The following DENND1B variants were observed in gnomAD, a reference collection of about 807,000 sequenced individuals.
The protein encoded by DENND1B is DENN domain containing 1B.
DENND1B carries 59 observed loss-of-function variants against 90.1 expected under a neutral mutation model. That is an observed-to-expected ratio of 0.65 (90% CI 0.53 to 0.81). DENND1B has a LOEUF of 0.81. Among genes scored for constraint, DENND1B ranks in the 40% least tolerant of loss-of-function variants. The pLI, the probability that DENND1B is intolerant of heterozygous loss-of-function variation, is 0.00. For missense variants in DENND1B, 862 were observed against 912.6 expected, an observed-to-expected ratio of 0.94 and a Z score of 0.71; for synonymous variants, 337 against 324.6, an observed-to-expected ratio of 1.04 and a Z score of -0.41.
intron 13 of DENND1B, among the ~76,000 whole-genome samples, chr1:197,605,323 C>T (rs985512281): frequency 1.3e-5 from 2 of 150,778 alleles, no homozygotes; most frequent in Admixed American, 6.6e-5. Context: ...AATCATCAAA[C>T]TAATTCTACT....
At chr1:197,539,395 T>C (rs1670158397) in intron 20 of DENND1B, among the ~76,000 whole-genome samples, 1 of 152,136 alleles carries the variant, frequency 6.6e-6, no homozygotes, top group East Asian at 1.9e-4. Context: ...TTTTGTTTAG[T>C]TAGAGCCTTC....
intron 2 of DENND1B, chr1:197,747,148 C>CT (rs558461388): frequency 3.9e-6 from 3 of 763,582 alleles, no homozygotes; most frequent in Non-Finnish European, 7.0e-6. Flanking sequence ...GGAGCGTTTT[C>CT]TTTTTTTCCC....
intron 11 of DENND1B, among the ~76,000 whole-genome samples, chr1:197,616,995 T>G (rs1677710782): frequency 6.6e-6 from 1 of 151,044 alleles, no homozygotes. Context: ...ATATGCAGAC[T>G]CTTCCAGGTG....
chr1:197,772,918 C>A lies in DENND1B; in HGVS notation c.32G>T (p.Arg11Ile). 1 of 1,551,894 alleles carries A rather than the reference C, an allele frequency of 6.4e-7. No homozygotes were observed. The highest frequency in any genetic ancestry group is 8.7e-7 in the Non-Finnish European group (1 of 1,146,954). The change falls in exon 2 of 23, where the codon AGA becomes ATA. Residue 11 changes from arginine (R) to isoleucine (I), a missense_variant. Arg to Ile is a moderately conservative substitution (Grantham distance 97, BLOSUM62 -3). Coordinates refer to ENST00000620048, the MANE Select transcript of DENND1B (RefSeq NM_001195215.2). MDCRTKANPD[R>I]TFDLVLKVKC... ...CACTTTCAACACCAAGTCAAAGGTT[C>A]TGTCTGGATTTGCCCTAAAAGGAAA...
intron 3 of DENND1B, among the ~76,000 whole-genome samples, chr1:197,685,450 G>A (rs182473290): frequency 3.2e-4 from 48 of 152,044 alleles, no homozygotes; most frequent in Non-Finnish European, 7.4e-5. Context: ...CTTAAAGCAG[G>A]AACTAAGTAC....
In DENND1B at chr1:197,507,562, G is replaced by A. The variant is rs1376921549; in HGVS notation, c.*2898C>T. On this transcript the variant is annotated 3_prime_UTR_variant, in exon 23 of 23. Coordinates refer to ENST00000620048, the MANE Select transcript of DENND1B (RefSeq NM_001195215.2). ...GAGAGTGGGATTCAGAAAGAACCATGACTCCATTGCAGGCCAGATAAAGAC... is the reference window on the plus strand; with the variant it reads ...GAGAGTGGGATTCAGAAAGAACCATAACTCCATTGCAGGCCAGATAAAGAC... The A allele has an allele frequency of 2.6e-5, 4 of 151,506 alleles. 1 individual carries two copies. Among genetic ancestry groups the A allele is most frequent in the Admixed American group, 2.6e-4 (4 of 15,168 alleles). 9.4% of individuals were successfully genotyped at this position (151,506 alleles called of 1,614,324 possible).
chr1:197,697,702 T>C (rs1658583015), intron 3 of DENND1B, among the ~76,000 whole-genome samples: 1 of 151,144 alleles, frequency 6.6e-6, no homozygotes, highest in Non-Finnish European at 1.5e-5. Context: ...ACATATAGGA[T>C]CAAAATAAAG....
chr1:197,551,649 C>G (rs1437135522), intron 16 of DENND1B, among the ~76,000 whole-genome samples: 1 of 152,096 alleles, frequency 6.6e-6, no homozygotes, highest in Non-Finnish European at 1.5e-5. Flanking sequence ...GTTCTAGCCT[C>G]TTATTGTCAC....
At chr1:197,626,655 A>C (rs1678764614) in intron 10 of DENND1B, among the ~76,000 whole-genome samples, 1 of 152,120 alleles carries the variant, frequency 6.6e-6, no homozygotes, top group African/African-American at 2.4e-5. Flanking sequence ...AAACTAGCAA[A>C]AGGCAAGAAA....
chr1:197,581,896 C>G (rs895654559), intron 15 of DENND1B, among the ~76,000 whole-genome samples: 1 of 152,154 alleles, frequency 6.6e-6, no homozygotes, highest in Non-Finnish European at 1.5e-5. Flanking sequence ...ATATTTTACT[C>G]AACAAGCATG....
chr1:197,588,475 A>G (rs1674907445), intron 14 of DENND1B, among the ~76,000 whole-genome samples: 1 of 152,214 alleles, frequency 6.6e-6, no homozygotes. Context: ...ATCAGAAAGA[A>G]TGATAACGTA....
At chr1:197,645,628 G>T in intron 9 of DENND1B, 62 bp downstream of exon 9, 2 of 1,044,042 alleles carry the variant, frequency 1.9e-6, no homozygotes, top group African/African-American at 1.7e-5. Context: ...CATAAACAGT[G>T]AGACCAAAAT....
chr1:197,714,075 CA>C (rs1283102775), intron 3 of DENND1B, among the ~76,000 whole-genome samples: 10 of 148,350 alleles, frequency 6.7e-5, no homozygotes, highest in African/African-American at 2.2e-4. Context: ...TTCCCAGGTT[CA>C]AGTGATTCTC....
intron 20 of DENND1B, among the ~76,000 whole-genome samples, chr1:197,529,796 G>T (rs897821524): frequency 3.9e-5 from 6 of 152,060 alleles, no homozygotes; most frequent in Non-Finnish European, 8.8e-5. Flanking sequence ...TAAGTCTCCA[G>T]TATTCTATTC....
In DENND1B at chr1:197,664,405, T is replaced by C. The variant is rs576531458; in HGVS notation, c.297-6036A>G. 1.6e-4 allele frequency among the ~76,000 whole-genome samples: 25 copies of C among 152,216 alleles called. No homozygotes were observed. In the South Asian group the frequency reaches 5.2e-3, roughly 32 times the overall value. On this transcript the variant is annotated intron_variant, in intron 5 of 22. Coordinates refer to ENST00000620048, the MANE Select transcript of DENND1B (RefSeq NM_001195215.2). ...AAATGTAAAACATTATGAGCAATTA[T>C]TTTAAAACAAAGTACAGGAGATTAG...
intron 20 of DENND1B, among the ~76,000 whole-genome samples, chr1:197,519,606 C>T (rs544449399): frequency 3.3e-5 from 5 of 151,810 alleles, no homozygotes; most frequent in Non-Finnish European, 2.9e-5. Context: ...ATTATGACTT[C>T]GGTTAATTTG....
At chr1:197,531,110 G>A (rs192541530) in intron 20 of DENND1B, among the ~76,000 whole-genome samples, 240 of 152,242 alleles carry the variant, frequency 1.6e-3, no homozygotes, top group African/African-American at 5.3e-3. Context: ...TCTGAAAAAC[G>A]CGGATAATAA....
At chr1:197,707,699 T>A (rs1267644377) in intron 3 of DENND1B, among the ~76,000 whole-genome samples, 4 of 147,010 alleles carry the variant, frequency 2.7e-5, no homozygotes, top group Non-Finnish European at 3.0e-5. Context: ...ATAATATAAT[T>A]ATTATATTAA....
At chr1:197,769,971 T>TA (rs1166911893) in intron 2 of DENND1B, among the ~76,000 whole-genome samples, 1 of 152,172 alleles carries the variant, frequency 6.6e-6, no homozygotes, top group Non-Finnish European at 1.5e-5. Context: ...TTTACTTTTA[T>TA]AGCCCTCTTA....
Sources: allele counts gnomAD v4.1 joint callset (sites outside exome capture counted in the v4.1 genomes callset), GRCh38; gene constraint gnomAD v4.1.1; transcripts MANE v1.5; gene names NCBI Gene and HGNC (gene_info 2026-07-23, HGNC 2026-07-21).